AMZ1: variants seen among roughly 807,000 people sequenced by gnomAD.
The protein encoded by AMZ1 is archaemetzincin-1.
Under a neutral mutation model 29.9 loss-of-function variants are expected in AMZ1, and 39 were observed. The observed-to-expected ratio is 1.30, with a 90% CI of 1.01 to 1.70. AMZ1 has a LOEUF of 1.70. Among genes scored for constraint, AMZ1 ranks in the 40% most tolerant of loss-of-function variants. AMZ1 has a pLI of 0.00. For synonymous variants in AMZ1, 458 were observed against 304.0 expected (o/e 1.51, Z -5.27); for missense variants, 1,041 against 680.6 (o/e 1.53, Z -5.89).
intron 4 of AMZ1, among the ~76,000 whole-genome samples, chr7:2,741,217 G>A (rs1000052206): frequency 6.6e-6 from 1 of 152,124 alleles, no homozygotes; most frequent in Non-Finnish European, 1.5e-5. Flanking sequence ...ACTAGGTGTG[G>A]CGGCACGCAC....
downstream of AMZ1, among the ~76,000 whole-genome samples, chr7:2,721,218 AG>A (rs988174537): frequency 6.6e-6 from 1 of 152,198 alleles, no homozygotes; most frequent in African/African-American, 2.4e-5. Context: ...GGTGGAGCTC[AG>A]GAGTGGAAGC....
chr7:2,760,909 TG>T (rs148917147), upstream of AMZ1, among the ~76,000 whole-genome samples: 187 of 151,954 alleles, frequency 1.2e-3, 3 homozygotes, highest in East Asian at 0.012. Context: ...TGGTGGGGAG[TG>T]GGGGGTTCTG....
chr7:2,725,543 A>T (rs1789583146), intron 4 of AMZ1, among the ~76,000 whole-genome samples: 1 of 152,248 alleles, frequency 6.6e-6, no homozygotes, highest in Non-Finnish European at 1.5e-5. Context: ...CAAGTGAATG[A>T]GAAGCCATAG....
At chr7:2,729,503 G>C (rs756603785) in intron 4 of AMZ1, 1 of 152,530 alleles carries the variant, frequency 6.6e-6, no homozygotes, top group South Asian at 2.1e-4. Context: ...CTGCGAGAGA[G>C]AGTTCCATGC....
chr7:2,743,159 A>C (rs1790595234), intron 4 of AMZ1, among the ~76,000 whole-genome samples: 1 of 152,186 alleles, frequency 6.6e-6, no homozygotes, highest in South Asian at 2.1e-4. Context: ...TTTGCCTAAG[A>C]GCCTGGCTGG....
chr7:2,756,891 C>T (rs530348831), intron 4 of AMZ1, among the ~76,000 whole-genome samples: 8 of 151,488 alleles, frequency 5.3e-5, no homozygotes, highest in Non-Finnish European at 1.0e-4. Flanking sequence ...CTGGGTAACA[C>T]AGTGAGACCT....
In AMZ1 at chr7:2,714,113, G is replaced by A. The variant is rs1459331401; in HGVS notation, c.*1235G>A. 1 of 152,252 alleles carries A rather than the reference G, an allele frequency of 6.6e-6. No individual in the cohort carries two copies. The highest frequency in any genetic ancestry group is 1.9e-4 in the East Asian group (1 of 5,260). The allele number at this position is 152,252 out of a possible 1,614,324, so 9.4% of individuals were successfully genotyped here. On this transcript the variant is annotated 3_prime_UTR_variant, in exon 7 of 7. Coordinates refer to ENST00000683327, the MANE Select transcript of AMZ1 (RefSeq NM_001384743.1). ...TGTCACACGTACCCCCTCAGCCTGT[G>A]GTGGAGGGTCTCTGGGAGAGAGACT...
chr7:2,711,592 T>TA (rs1329171311), intron 6 of AMZ1, among the ~76,000 whole-genome samples: 1 of 152,222 alleles, frequency 6.6e-6, no homozygotes, highest in Non-Finnish European at 1.5e-5. Flanking sequence ...GCCTTTGCTT[T>TA]ACATTTTTTT....
chr7:2,720,094 C>T (rs533568424), downstream of AMZ1, among the ~76,000 whole-genome samples: 1 of 152,354 alleles, frequency 6.6e-6, no homozygotes, highest in Admixed American at 6.5e-5. Flanking sequence ...TTTGAGAAGG[C>T]AAGGAGCCGA....
At chr7:2,737,493 T>A (rs1790268480) in intron 4 of AMZ1, among the ~76,000 whole-genome samples, 1 of 151,998 alleles carries the variant, frequency 6.6e-6, no homozygotes, top group Non-Finnish European at 1.5e-5. Flanking sequence ...TTCACCAGGT[T>A]AACCAGGCTG....
chr7:2,696,343 G>A (rs1403675559), intron 1 of AMZ1, among the ~76,000 whole-genome samples: 5 of 145,098 alleles, frequency 3.4e-5, no homozygotes, highest in South Asian at 2.3e-4. Flanking sequence ...TGCAAGCTCC[G>A]CCTCCCAGGT....
intron 4 of AMZ1, among the ~76,000 whole-genome samples, chr7:2,753,873 T>C (rs1467462947): frequency 6.6e-6 from 1 of 152,192 alleles, no homozygotes; most frequent in Non-Finnish European, 1.5e-5. Context: ...GAACAATCTG[T>C]TCCTTTTCAG....
At chr7:2,755,882 T>C (rs763540385) in intron 4 of AMZ1, among the ~76,000 whole-genome samples, 8 of 152,236 alleles carry the variant, frequency 5.3e-5, no homozygotes, top group Non-Finnish European at 1.0e-4. Context: ...TCAACATTGT[T>C]GTTTATGCTC....
chr7:2,731,028 T>A lies in AMZ1; in HGVS notation n.550+21212T>A. On this transcript the variant is annotated intron_variant and non_coding_transcript_variant, in intron 4 of 4. Coordinates refer to the AMZ1 transcript ENST00000489665. This position sits in a 1 kb window ranked among gnomAD's most constrained non-coding sequence, Gnocchi z 6.0. ...CCATGTCCTTTTGCCTAGAGCTCGC[T>A]GGCTGGCTGGTCTGACAGCATTCCT... The A allele has an allele frequency of 1.7e-6, 1 of 574,886 alleles. No individual in the cohort carries two copies. The highest frequency in any genetic ancestry group is 3.0e-5 in the Admixed American group (1 of 33,552). The allele number at this position is 574,886 out of a possible 1,614,324, so 35.6% of individuals were successfully genotyped here.
chr7:2,709,790 GGT>G lies in AMZ1; in HGVS notation c.923_924del (p.Gly308ValfsTer47). ...CCTGAGGAAGCTGCAGCATGTCCTG[GGT>G]TTCAGGCTCATCGAGAGGTACCAGG... The part of the protein sequence containing the change: ...ICLRKLQHVL[G>X]FRLIERYQRL... On this transcript the variant is annotated frameshift_variant, in exon 6 of 7. Transcript: ENST00000683327. LOFTEE classifies it low-confidence loss of function (END_TRUNC). The G allele has an allele frequency of 6.2e-7, 1 of 1,611,994 alleles. No individual in the cohort carries two copies. The highest frequency in any genetic ancestry group is 2.2e-5 in the East Asian group (1 of 44,878).
At chr7:2,741,024 G>A (rs139869187) in intron 4 of AMZ1, among the ~76,000 whole-genome samples, 3,007 of 151,594 alleles carry the variant, frequency 0.02, 116 homozygotes, top group African/African-American at 0.069. Flanking sequence ...CTGCCTGGGC[G>A]ACAGAGCGAG....
At chr7:2,710,351 C>T (rs1788692805) in intron 6 of AMZ1, among the ~76,000 whole-genome samples, 1 of 152,266 alleles carries the variant, frequency 6.6e-6, no homozygotes, top group Non-Finnish European at 1.5e-5. Flanking sequence ...AAAAGCTTTA[C>T]TCTGAGTTCT....
chr7:2,726,421 G>A (rs1789619024), intron 4 of AMZ1, among the ~76,000 whole-genome samples: 2 of 152,218 alleles, frequency 1.3e-5, no homozygotes, highest in South Asian at 2.1e-4. Flanking sequence ...GGGACATGGA[G>A]AAACCTGTAT....
At chr7:2,686,143 G>A (rs527669754), upstream of AMZ1, among the ~76,000 whole-genome samples, 11 of 152,354 alleles carry the variant, frequency 7.2e-5, no homozygotes, top group Admixed American at 2.0e-4. Flanking sequence ...GGAGTCCAGC[G>A]CAGACCATCA....
Sources: gnomAD v4.1 joint callset for allele counts (sites outside exome capture counted in the v4.1 genomes callset) on GRCh38, gnomAD v4.1.1 for gene constraint, Gnocchi (gnomAD v3.1) non-coding constraint, MANE v1.5 for transcripts, NCBI Gene and HGNC (gene_info 2026-07-23, HGNC 2026-07-21) for gene names.